The following FRMD4A variants were observed in gnomAD, a reference collection of about 807,000 sequenced individuals.
FRMD4A encodes the protein FERM domain containing 4A.
FRMD4A carries 29 observed loss-of-function variants against 129.1 expected under a neutral mutation model. The ratio of observed to expected loss-of-function variants is 0.22; its 90% CI spans 0.17 to 0.31. The LOEUF (loss-of-function observed/expected upper bound fraction) is 0.31, where lower values mean the gene tolerates loss of function less well. Ranked by LOEUF, FRMD4A falls within the 10% of genes least tolerant of loss-of-function variation. FRMD4A has a pLI of 1.00. For missense variants in FRMD4A, 1,272 were observed against 1,375.8 expected, an observed-to-expected ratio of 0.92 and a Z score of 1.19; for synonymous variants, 634 against 571.6, an observed-to-expected ratio of 1.11 and a Z score of -1.56.
At chr10:14,017,185 T>C (rs1291668807) in intron 2 of FRMD4A, among the ~76,000 whole-genome samples, 2 of 152,206 alleles carry the variant, frequency 1.3e-5, no homozygotes, top group African/African-American at 4.8e-5. Context: ...GTTTGAGGAA[T>C]AACGCTCCTG....
At chr10:14,176,853 C>A (rs2131894470) in intron 2 of FRMD4A, among the ~76,000 whole-genome samples, 1 of 152,256 alleles carries the variant, frequency 6.6e-6, no homozygotes, top group African/African-American at 2.4e-5. Context: ...TTTTCAGTGT[C>A]AGGGAAGGAA....
At chr10:14,011,254 G>A (rs10906566) in intron 2 of FRMD4A, among the ~76,000 whole-genome samples, 1 of 151,922 alleles carries the variant, frequency 6.6e-6, no homozygotes, top group African/African-American at 2.4e-5. Flanking sequence ...ATAGGAAATT[G>A]TTAGATTGAG....
chr10:14,046,247 A>G (rs924591673), intron 2 of FRMD4A, among the ~76,000 whole-genome samples: 5 of 152,140 alleles, frequency 3.3e-5, no homozygotes, highest in African/African-American at 1.2e-4. Flanking sequence ...AAAATAATTC[A>G]AGTACTTATT....
intron 2 of FRMD4A, among the ~76,000 whole-genome samples, chr10:13,877,786 C>T (rs2094503212): frequency 6.6e-6 from 1 of 152,194 alleles, no homozygotes; most frequent in Admixed American, 6.5e-5. Flanking sequence ...GGTTTTGACA[C>T]TGGCTGGCTG....
intron 8 of FRMD4A, 134 bp from the exon 9 acceptor site, chr10:13,747,953 G>A: frequency 1.5e-6 from 1 of 652,794 alleles, no homozygotes; most frequent in East Asian, 2.7e-5. Flanking sequence ...GTGGGGGGAA[G>A]GGGCGCTCTC....
chr10:13,746,223 T>C (rs912341560), intron 9 of FRMD4A, among the ~76,000 whole-genome samples: 9 of 151,862 alleles, frequency 5.9e-5, no homozygotes, highest in Non-Finnish European at 5.9e-5. Context: ...TTTTGTTTGT[T>C]TGTTTTGAGA....
intron 2 of FRMD4A, among the ~76,000 whole-genome samples, chr10:14,029,448 A>G (rs190948576): frequency 1.3e-5 from 2 of 152,336 alleles, no homozygotes; most frequent in East Asian, 3.8e-4. Context: ...CCTCAACTAG[A>G]TTAATTCAGT....
intron 2 of FRMD4A, among the ~76,000 whole-genome samples, chr10:13,952,578 C>T (rs923454731): frequency 3.9e-5 from 6 of 152,170 alleles, no homozygotes; most frequent in Admixed American, 2.0e-4. Context: ...ATTCCTACCC[C>T]AAAATAACTG....
At chr10:13,715,921 A>AG (rs936245332) in intron 12 of FRMD4A, among the ~76,000 whole-genome samples, 6 of 151,486 alleles carry the variant, frequency 4.0e-5, no homozygotes, top group African/African-American at 1.5e-4. Flanking sequence ...AAAAAAAAAA[A>AG]AAAGAAATGC....
chr10:13,836,060 C>T (rs765456727), intron 3 of FRMD4A, among the ~76,000 whole-genome samples: 18 of 152,140 alleles, frequency 1.2e-4, no homozygotes, highest in African/African-American at 3.9e-4. Flanking sequence ...TGCAGTGGCA[C>T]GATCTCAGCT....
chr10:14,122,876 C>G (rs1399599409), intron 2 of FRMD4A, among the ~76,000 whole-genome samples: 1 of 152,048 alleles, frequency 6.6e-6, no homozygotes, highest in Non-Finnish European at 1.5e-5. Flanking sequence ...TTAACATATC[C>G]ATCATCTCAA....
intron 2 of FRMD4A, among the ~76,000 whole-genome samples, chr10:13,882,377 G>A (rs546425514): frequency 1.3e-5 from 2 of 152,172 alleles, no homozygotes; most frequent in Admixed American, 6.5e-5. Flanking sequence ...GAGGAAGCTC[G>A]AGGCAGGCAT....
At chr10:13,854,793 A>G (rs1452818894) in intron 3 of FRMD4A, among the ~76,000 whole-genome samples, 1 of 152,138 alleles carries the variant, frequency 6.6e-6, no homozygotes, top group Non-Finnish European at 1.5e-5. Context: ...AAGACAGAGC[A>G]GAAGATGCTG....
chr10:14,063,551 C>T (rs1302075066), intron 2 of FRMD4A, among the ~76,000 whole-genome samples: 8 of 69,094 alleles, frequency 1.2e-4, no homozygotes, highest in Admixed American at 4.4e-4. Context: ...ATTATTTTAC[C>T]TTTTCTCATT....
At chr10:13,956,443 T>C (rs1391437730) in intron 2 of FRMD4A, among the ~76,000 whole-genome samples, 2 of 152,236 alleles carry the variant, frequency 1.3e-5, no homozygotes, top group Non-Finnish European at 1.5e-5. Flanking sequence ...TGAGCCACTA[T>C]GTCCAGCCTT....
At position 13,955,807 on chromosome 10, in the gene FRMD4A, A is replaced by G. The variant is rs74455687; in HGVS notation, c.46-96895T>C. ...ATAACCAGCCTTCCAGAAAAGCACAATGAAAAGGAAGGTGGGGCTGTGAGT... is the reference window on the plus strand; with the variant it reads ...ATAACCAGCCTTCCAGAAAAGCACAGTGAAAAGGAAGGTGGGGCTGTGAGT... On this transcript the variant is annotated intron_variant, in intron 2 of 24. Coordinates refer to ENST00000357447, the MANE Select transcript of FRMD4A (RefSeq NM_018027.5). Among the ~76,000 whole-genome samples, 47 of 152,346 alleles carry G rather than the reference A, an allele frequency of 3.1e-4. No individual in the cohort carries two copies. In the East Asian group the frequency reaches 8.5e-3, roughly 28 times the overall value.
intron 2 of FRMD4A, chr10:13,891,842 G>A (rs2094701698): frequency 2.9e-6 from 2 of 686,478 alleles, no homozygotes; most frequent in African/African-American, 2.0e-5. Context: ...CGCCGAGCCT[G>A]GCCCGGCGCC....
At chr10:14,085,075 T>C (rs1307497492) in intron 2 of FRMD4A, among the ~76,000 whole-genome samples, 1 of 152,164 alleles carries the variant, frequency 6.6e-6, no homozygotes, top group Non-Finnish European at 1.5e-5. Context: ...AAAACCACAA[T>C]ACATTCTTCT....
At chr10:14,276,138 G>A (rs769686094) in intron 2 of FRMD4A, among the ~76,000 whole-genome samples, 26 of 152,288 alleles carry the variant, frequency 1.7e-4, no homozygotes, top group African/African-American at 2.4e-4. Flanking sequence ...TGACCTCTGG[G>A]GGATAGTTTT....
Sources: allele counts gnomAD v4.1 joint callset (sites outside exome capture counted in the v4.1 genomes callset), GRCh38; gene constraint gnomAD v4.1.1; transcripts MANE v1.5; gene names NCBI Gene and HGNC (gene_info 2026-07-23, HGNC 2026-07-21).